The following ADGRA3 variants were observed in gnomAD, a reference collection of about 807,000 sequenced individuals.
ADGRA3 encodes adhesion G protein-coupled receptor A3.
ADGRA3 carries 56 observed loss-of-function variants against 119.8 expected under a neutral mutation model. The observed-to-expected ratio is 0.47, with a 90% CI of 0.38 to 0.58. ADGRA3 has a LOEUF of 0.58. ADGRA3 is among the 20% of genes least tolerant of loss of function. The pLI, the probability that ADGRA3 is intolerant of heterozygous loss-of-function variation, is 0.00. For synonymous variants in ADGRA3, 607 were observed against 623.8 expected, an observed-to-expected ratio of 0.97 and a Z score of 0.40; for missense variants, 1,516 against 1,649.0, an observed-to-expected ratio of 0.92 and a Z score of 1.40.
In ADGRA3 at chr4:22,442,628, CAAA is replaced by C. The variant is rs374500461; in HGVS notation, c.920+19_920+21del. On this transcript the variant is annotated intron_variant, in intron 7 of 18. Transcript: ENST00000334304. ...AAATACACAGGCACAATTCTTCATT[CAAA>C]AAAAAAAAAAAAGTTTACCTTGCAA... 596 of 1,356,348 alleles carry C rather than the reference CAAA, an allele frequency of 4.4e-4. No homozygotes were observed. Among genetic ancestry groups the C allele is most frequent in the South Asian group, 5.3e-4 (42 of 78,632 alleles). The allele number at this position is 1,356,348 out of a possible 1,614,324, so 84.0% of individuals were successfully genotyped here.
chr4:22,464,570 T>A (rs1467330379), intron 2 of ADGRA3, among the ~76,000 whole-genome samples: 1 of 152,152 alleles, frequency 6.6e-6, no homozygotes, highest in Non-Finnish European at 1.5e-5. Context: ...CAGCATCCCT[T>A]ATCTCCAGGC....
intron 3 of ADGRA3, among the ~76,000 whole-genome samples, chr4:22,461,154 A>C (rs2109101241): frequency 6.6e-6 from 1 of 152,362 alleles, no homozygotes; most frequent in South Asian, 2.1e-4. Flanking sequence ...ATGGATTCAT[A>C]ATTTGAAAAT....
At chr4:22,464,020 C>T (rs1260368660) in intron 2 of ADGRA3, among the ~76,000 whole-genome samples, 1 of 152,166 alleles carries the variant, frequency 6.6e-6, no homozygotes, top group Admixed American at 6.5e-5. Flanking sequence ...AACACACAGG[C>T]ACTCCTCAGT....
intron 6 of ADGRA3, among the ~76,000 whole-genome samples, chr4:22,444,201 TAC>T (rs1716738993): frequency 6.6e-6 from 1 of 152,328 alleles, no homozygotes; most frequent in African/African-American, 2.4e-5. Flanking sequence ...GATATGCTTA[TAC>T]ACAGAGTCTG....
intron 9 of ADGRA3, 91 bp from the exon 10 acceptor site, chr4:22,435,557 G>T: frequency 1.7e-6 from 2 of 1,150,602 alleles, no homozygotes; most frequent in Non-Finnish European, 2.4e-6. Flanking sequence ...TTTCAAAACA[G>T]CAACGAATTA....
chr4:22,417,156 T>C (rs762104507), intron 12 of ADGRA3, among the ~76,000 whole-genome samples: 5 of 152,228 alleles, frequency 3.3e-5, no homozygotes, highest in Non-Finnish European at 5.9e-5. Flanking sequence ...ATACCACCTT[T>C]TGAGTTTCTC....
At chr4:22,410,460 T>C (rs532299742) in intron 14 of ADGRA3, among the ~76,000 whole-genome samples, 1 of 152,256 alleles carries the variant, frequency 6.6e-6, no homozygotes, top group East Asian at 1.9e-4. Flanking sequence ...TATACTCAGA[T>C]TTATGAACAA....
intron 1 of ADGRA3, among the ~76,000 whole-genome samples, chr4:22,511,601 T>C (rs749818853): frequency 2.0e-5 from 3 of 152,140 alleles, no homozygotes; most frequent in Non-Finnish European, 4.4e-5. Flanking sequence ...CATCAGTTAA[T>C]TTTCCTCTCT....
rs769744277 is a variant in ADGRA3 at position 22,421,143 on chromosome 4, G to A, written c.1606-54C>T. 1,758 of 1,481,972 alleles carry A rather than the reference G, an allele frequency of 1.2e-3. 2 individuals are homozygous for A. The highest frequency in any genetic ancestry group is 1.5e-3 in the Non-Finnish European group (1,575 of 1,069,736). The allele number at this position is 1,481,972 out of a possible 1,614,324, so 91.8% of individuals were successfully genotyped here. On this transcript the variant is annotated intron_variant, in intron 11 of 18. Transcript: ENST00000334304. ...GAACGATTTATAGCACAAAGGAAAA[G>A]CACTTTCAAAGACTTTTCAAACACA...
chr4:22,505,073 G>A (rs1241360175), intron 1 of ADGRA3, among the ~76,000 whole-genome samples: 1 of 152,132 alleles, frequency 6.6e-6, no homozygotes, highest in Non-Finnish European at 1.5e-5. Flanking sequence ...CTCTGGCCAG[G>A]AGCATCCTTC....
At chr4:22,438,493 C>A in intron 7 of ADGRA3, 73 bp from the exon 8 acceptor site, 2 of 1,178,486 alleles carry the variant, frequency 1.7e-6, no homozygotes, top group East Asian at 5.0e-5. Flanking sequence ...GGGTCTCAAT[C>A]ATTAATTTAG....
chr4:22,392,963 CT>C (rs561325412), intron 16 of ADGRA3: 40 of 307,578 alleles, frequency 1.3e-4, no homozygotes, highest in Non-Finnish European at 2.1e-4. Flanking sequence ...ACAGAACTGG[CT>C]CCCAGACATT....
intron 5 of ADGRA3, among the ~76,000 whole-genome samples, chr4:22,446,294 G>T (rs76417499): frequency 6.6e-6 from 1 of 152,148 alleles, no homozygotes; most frequent in Non-Finnish European, 1.5e-5. Flanking sequence ...AACACTACCA[G>T]GTAAAAACAC....
At chr4:22,449,743 G>C (rs1362121760) in intron 4 of ADGRA3, among the ~76,000 whole-genome samples, 1 of 151,978 alleles carries the variant, frequency 6.6e-6, no homozygotes, top group Non-Finnish European at 1.5e-5. Context: ...CTACTTGGGA[G>C]GCTAAGGTGG....
rs370263563 is a variant in ADGRA3, at chr4:22,402,667, T to C, written c.2357+8A>G. The C allele has an allele frequency of 3.2e-5, 52 of 1,609,750 alleles. No homozygotes were observed. The African/African-American group carries it at 5.0e-4, about 15-fold the overall frequency. On this transcript the variant is annotated splice_region_variant and intron_variant, in intron 15 of 18. Transcript: ENST00000334304. ...CGCAGATCTATTTTGTCGAGATGTA[T>C]TTCTTACCTGTGATGGTATATGTAA... is the stretch of plus-strand genomic sequence containing the variant.
chr4:22,506,395 A>G (rs1353554777), intron 1 of ADGRA3, among the ~76,000 whole-genome samples: 1 of 152,118 alleles, frequency 6.6e-6, no homozygotes, highest in African/African-American at 2.4e-5. Flanking sequence ...TCTAGCAAAA[A>G]TACAAAACTT....
intron 1 of ADGRA3, among the ~76,000 whole-genome samples, chr4:22,500,858 T>C (rs557351383): frequency 2.0e-5 from 3 of 152,276 alleles, no homozygotes; most frequent in African/African-American, 4.8e-5. Context: ...CCTCTTTAAG[T>C]AGACTGCCTA....
intron 6 of ADGRA3, 100 bp downstream of exon 6, chr4:22,444,873 T>C (rs2109076927): frequency 2.5e-6 from 3 of 1,183,720 alleles, no homozygotes; most frequent in East Asian, 2.4e-5. Flanking sequence ...TGCATACTAG[T>C]TCTGTCCAAG....
chr4:22,505,214 GA>G (rs1016798991), intron 1 of ADGRA3, among the ~76,000 whole-genome samples: 4 of 152,092 alleles, frequency 2.6e-5, no homozygotes, highest in African/African-American at 9.7e-5. Flanking sequence ...ATTCTAGGTG[GA>G]AAAAAGGTTT....
Sources: gnomAD v4.1 joint callset for allele counts (sites outside exome capture counted in the v4.1 genomes callset) on GRCh38, gnomAD v4.1.1 for gene constraint, MANE v1.5 for transcripts, NCBI Gene and HGNC (gene_info 2026-07-23, HGNC 2026-07-21) for gene names.